ADGRB3: variants seen among roughly 807,000 people sequenced by gnomAD.
ADGRB3 encodes brain-specific angiogenesis inhibitor 3.
ADGRB3 carries 37 observed loss-of-function variants against 193.4 expected under a neutral mutation model. The observed-to-expected ratio is 0.19, with a 90% CI of 0.15 to 0.25. The LOEUF (loss-of-function observed/expected upper bound fraction) is 0.25, where lower values mean the gene tolerates loss of function less well. ADGRB3 is among the 10% of genes least tolerant of loss of function. The pLI is 1.00. For missense variants in ADGRB3, 1,637 were observed against 1,852.9 expected (o/e 0.88, Z 2.14); for synonymous variants, 690 against 644.2 (o/e 1.07, Z -1.08).
At chr6:69,205,656 G>T (rs943620450) in intron 17 of ADGRB3, among the ~76,000 whole-genome samples, 3 of 152,108 alleles carry the variant, frequency 2.0e-5, no homozygotes, top group Non-Finnish European at 4.4e-5. Flanking sequence ...GTGCAAGAGA[G>T]GGCAAACTCT....
At chr6:69,051,957 C>A (rs1011510737) in intron 15 of ADGRB3, among the ~76,000 whole-genome samples, 2 of 152,254 alleles carry the variant, frequency 1.3e-5, no homozygotes, top group African/African-American at 4.8e-5. Context: ...TGCAGTGGCG[C>A]GATCTCCGCT....
At chr6:69,198,833 T>C (rs1765354249) in intron 17 of ADGRB3, among the ~76,000 whole-genome samples, 1 of 152,146 alleles carries the variant, frequency 6.6e-6, no homozygotes, top group African/African-American at 2.4e-5. Flanking sequence ...TTCCAGTACA[T>C]ATACTCAGAT....
chr6:69,010,954 T>C (rs79696920), intron 11 of ADGRB3, among the ~76,000 whole-genome samples: 3,271 of 152,114 alleles, frequency 0.022, 60 homozygotes, highest in East Asian at 0.052. Flanking sequence ...GTAGTGGCTC[T>C]GCTACCACAG....
intron 3 of ADGRB3, among the ~76,000 whole-genome samples, chr6:68,676,276 C>A: frequency 6.6e-6 from 1 of 151,316 alleles, no homozygotes; most frequent in East Asian, 2.0e-4. Flanking sequence ...CCTGTAATCC[C>A]GCTACTCAGG....
chr6:69,109,080 G>A (rs1312093115), intron 17 of ADGRB3, among the ~76,000 whole-genome samples: 3 of 152,094 alleles, frequency 2.0e-5, no homozygotes, highest in African/African-American at 7.2e-5. Flanking sequence ...TCAATAAGAG[G>A]GTTACAGTAT....
intron 8 of ADGRB3, among the ~76,000 whole-genome samples, chr6:68,970,308 G>A (rs1768521500): frequency 2.0e-5 from 3 of 148,736 alleles, no homozygotes; most frequent in Admixed American, 6.7e-5. Context: ...TTTTTTAAAT[G>A]GAATCTTGAT....
At chr6:69,081,083 T>C (rs1017272780) in intron 17 of ADGRB3, among the ~76,000 whole-genome samples, 1 of 152,024 alleles carries the variant, frequency 6.6e-6, no homozygotes, top group South Asian at 2.1e-4. Context: ...CCTCAGTAGG[T>C]ATATTCGTAG....
chr6:69,374,978 G>A (rs1171165112), intron 30 of ADGRB3, among the ~76,000 whole-genome samples: 1 of 152,034 alleles, frequency 6.6e-6, no homozygotes, highest in African/African-American at 2.4e-5. Flanking sequence ...ATAGAAAAAT[G>A]GCAGGTAGAA....
chr6:69,032,865 G>A (rs1291853753), intron 13 of ADGRB3, among the ~76,000 whole-genome samples: 3 of 152,042 alleles, frequency 2.0e-5, no homozygotes, highest in Admixed American at 6.5e-5. Flanking sequence ...TAGCCTTCTG[G>A]AAGTTATCTC....
intron 10 of ADGRB3, among the ~76,000 whole-genome samples, chr6:68,980,368 A>G (rs1768873243): frequency 6.6e-6 from 1 of 151,582 alleles, no homozygotes; most frequent in African/African-American, 2.4e-5. Context: ...AGAGACCAAG[A>G]GAGACAAAGA....
At chr6:68,913,861 G>A (rs940839938) in intron 3 of ADGRB3, among the ~76,000 whole-genome samples, 1 of 152,114 alleles carries the variant, frequency 6.6e-6, no homozygotes, top group African/African-American at 2.4e-5. Flanking sequence ...AGCTGATGGA[G>A]CTGAAAGCCA....
intron 20 of ADGRB3, among the ~76,000 whole-genome samples, chr6:69,279,071 G>GTGTGTATA (rs1223848774): frequency 1.4e-5 from 1 of 71,390 alleles, no homozygotes; most frequent in African/African-American, 4.6e-5. Context: ...AAATACATAT[G>GTGTGTATA]TATATATATA....
At chr6:69,090,760 A>G (rs1488081314) in intron 17 of ADGRB3, among the ~76,000 whole-genome samples, 1 of 152,234 alleles carries the variant, frequency 6.6e-6, no homozygotes, top group Non-Finnish European at 1.5e-5. Flanking sequence ...ATTCAGCAAA[A>G]GAAATAATAT....
At chr6:68,784,967 A>C (rs935105047) in intron 3 of ADGRB3, among the ~76,000 whole-genome samples, 2 of 152,068 alleles carry the variant, frequency 1.3e-5, no homozygotes, top group Non-Finnish European at 2.9e-5. Context: ...TTGTGATTAT[A>C]GCAGTTTAGG....
At chr6:69,376,082 CTT>C (rs58780409) in intron 30 of ADGRB3, among the ~76,000 whole-genome samples, 6 of 67,382 alleles carry the variant, frequency 8.9e-5, no homozygotes, top group South Asian at 1.2e-3. Flanking sequence ...ATTATGTAGC[CTT>C]TTTTTTTTTT....
intron 17 of ADGRB3, among the ~76,000 whole-genome samples, chr6:69,190,022 C>A (rs187310576): frequency 6.6e-6 from 1 of 152,116 alleles, no homozygotes; most frequent in Admixed American, 6.6e-5. Flanking sequence ...TACGGTATTG[C>A]CTTTCATATA....
At chr6:68,786,150 T>C (rs1294687965) in intron 3 of ADGRB3, among the ~76,000 whole-genome samples, 1 of 152,088 alleles carries the variant, frequency 6.6e-6, no homozygotes, top group East Asian at 1.9e-4. Flanking sequence ...AGAAGCTCTT[T>C]AGTTTAATTA....
At chr6:68,946,032 T>C (rs963652455) in intron 6 of ADGRB3, among the ~76,000 whole-genome samples, 1 of 152,114 alleles carries the variant, frequency 6.6e-6, no homozygotes, top group African/African-American at 2.4e-5. Flanking sequence ...CTCTCATAAG[T>C]GAACATATGG....
At chr6:68,817,299 T>G (rs1767648639) in intron 3 of ADGRB3, among the ~76,000 whole-genome samples, 1 of 107,010 alleles carries the variant, frequency 9.3e-6, no homozygotes, top group African/African-American at 3.2e-5. Flanking sequence ...TTATTCCCTT[T>G]TGTCCATGTA....
Sources: allele counts gnomAD v4.1 joint callset (sites outside exome capture counted in the v4.1 genomes callset), GRCh38; gene constraint gnomAD v4.1.1; transcripts MANE v1.5; gene names NCBI Gene and HGNC (gene_info 2026-07-23, HGNC 2026-07-21).